The following EPG5 variants were observed in gnomAD, a reference collection of about 807,000 sequenced individuals.
EPG5 encodes ectopic P granules protein 5 homolog.
EPG5 carries 159 observed loss-of-function variants against 302.7 expected under a neutral mutation model. The observed-to-expected ratio is 0.53, with a 90% CI of 0.46 to 0.60. The LOEUF is 0.60. Among genes scored for constraint, EPG5 ranks in the 20% least tolerant of loss-of-function variants. The pLI, the probability that EPG5 is intolerant of heterozygous loss-of-function variation, is 0.00. For missense variants in EPG5, 2,896 were observed against 3,092.4 expected (o/e 0.94, Z 1.51); for synonymous variants, 1,158 against 1,136.8 (o/e 1.02, Z -0.37).
the EPG5 span, among the ~76,000 whole-genome samples, chr18:45,802,259 G>A: frequency 2.0e-5 from 3 of 152,258 alleles, no homozygotes; most frequent in South Asian, 2.1e-4. Flanking sequence ...GGTGGCTCAC[G>A]TCTGTAATCC....
chr18:45,880,671 G>A (rs776277846), intron 31 of EPG5, among the ~76,000 whole-genome samples: 5 of 152,128 alleles, frequency 3.3e-5, no homozygotes, highest in Admixed American at 1.3e-4. Context: ...CCAATTCCCC[G>A]AAACCAAGAC....
chr18:45,847,026 C>T (rs115734006), downstream of EPG5, among the ~76,000 whole-genome samples: 180 of 152,324 alleles, frequency 1.2e-3, no homozygotes, highest in African/African-American at 4.2e-3. Context: ...TCCAACCCTT[C>T]AATCTTGTGG....
intron 28 of EPG5, 49 bp downstream of exon 28, chr18:45,889,749 T>C: frequency 3.2e-6 from 5 of 1,553,180 alleles, no homozygotes; most frequent in South Asian, 1.2e-5. Context: ...ATGATTACTA[T>C]TCATGATAAC....
intron 17 of EPG5, 82 bp from the exon 18 acceptor site, chr18:45,916,664 A>C: frequency 7.1e-7 from 1 of 1,407,812 alleles, no homozygotes; most frequent in East Asian, 2.5e-5. Context: ...GAGGAAACAG[A>C]AAATTCCTAA....
intron 39 of EPG5, among the ~76,000 whole-genome samples, chr18:45,862,323 C>T (rs980054472): frequency 2.0e-5 from 3 of 152,092 alleles, no homozygotes; most frequent in African/African-American, 7.2e-5. Context: ...TGTAATTTTG[C>T]CGTCTTTTTA....
intron 30 of EPG5, among the ~76,000 whole-genome samples, chr18:45,883,604 C>A (rs977738475): frequency 6.9e-6 from 1 of 145,356 alleles, no homozygotes; most frequent in Admixed American, 6.9e-5. Context: ...GGGAGTACCA[C>A]TAGCCTGGTG....
At chr18:45,922,671 T>G in intron 15 of EPG5, 71 bp from the exon 16 acceptor site, 1 of 1,542,028 alleles carries the variant, frequency 6.5e-7, no homozygotes, top group East Asian at 2.2e-5. Flanking sequence ...TACACTCATC[T>G]CCTTTTGTGA....
At chr18:45,899,091 C>T (rs1471211309) in intron 27 of EPG5, among the ~76,000 whole-genome samples, 3 of 152,140 alleles carry the variant, frequency 2.0e-5, no homozygotes, top group East Asian at 1.9e-4. Context: ...CGCCACTGCA[C>T]TCCAGCCTGG....
At chr18:45,889,987 G>T (rs1457345501) in intron 27 of EPG5, 47 bp from the exon 28 acceptor site, 5 of 1,486,130 alleles carry the variant, frequency 3.4e-6, no homozygotes, top group African/African-American at 2.8e-5. Context: ...CCATGTGTCA[G>T]GTTTCCCATG....
At chr18:45,934,012 A>T (rs893564244) in intron 11 of EPG5, among the ~76,000 whole-genome samples, 1 of 152,076 alleles carries the variant, frequency 6.6e-6, no homozygotes, top group Non-Finnish European at 1.5e-5. Flanking sequence ...TATCCTGGCC[A>T]GGCACGGTGG....
chr18:45,870,019 A>T (rs1328827647), intron 36 of EPG5, among the ~76,000 whole-genome samples: 1 of 152,074 alleles, frequency 6.6e-6, no homozygotes, highest in African/African-American at 2.4e-5. Context: ...TGGTTTTGTA[A>T]CCATTGCTTC....
At chr18:45,855,451 G>A in intron 43 of EPG5, 122 bp downstream of exon 43, 3 of 644,188 alleles carry the variant, frequency 4.7e-6, no homozygotes, top group South Asian at 4.7e-5. Flanking sequence ...CACATGAAAG[G>A]GAACACTGTG....
chr18:45,854,940 G>A (rs1021316979), intron 43 of EPG5, among the ~76,000 whole-genome samples: 12 of 152,156 alleles, frequency 7.9e-5, no homozygotes, highest in Non-Finnish European at 1.8e-4. Context: ...AATATTGGTC[G>A]AGTTAAAACT....
chr18:45,888,719 C>T (rs1599499350), intron 28 of EPG5, among the ~76,000 whole-genome samples: 1 of 152,226 alleles, frequency 6.6e-6, no homozygotes, highest in South Asian at 2.1e-4. Flanking sequence ...GGATTACAGG[C>T]GTGAGCCACT....
intron 1 of EPG5, among the ~76,000 whole-genome samples, chr18:45,965,621 C>T (rs1023599687): frequency 1.3e-5 from 2 of 152,184 alleles, no homozygotes; most frequent in Non-Finnish European, 2.9e-5. Flanking sequence ...TGGAACATCA[C>T]CCACTTCTGG....
chr18:45,804,328 A>G, the EPG5 span, among the ~76,000 whole-genome samples: 16 of 152,308 alleles, frequency 1.1e-4, no homozygotes, highest in South Asian at 8.3e-4. Context: ...TTGAACTCCT[A>G]GAAGAACAGA....
chr18:45,873,348 A>G (rs929257143), intron 35 of EPG5, among the ~76,000 whole-genome samples: 1 of 152,066 alleles, frequency 6.6e-6, no homozygotes, highest in Admixed American at 6.5e-5. Flanking sequence ...CGTCTCTACT[A>G]AAAATACAAA....
At chr18:45,896,188 T>C (rs2049468366) in intron 27 of EPG5, among the ~76,000 whole-genome samples, 1 of 152,226 alleles carries the variant, frequency 6.6e-6, no homozygotes, top group Non-Finnish European at 1.5e-5. Flanking sequence ...TCTCCGCCTA[T>C]AAAAGTTGTT....
intron 39 of EPG5, among the ~76,000 whole-genome samples, chr18:45,863,455 T>C (rs1189873527): frequency 6.6e-6 from 1 of 152,242 alleles, no homozygotes; most frequent in Non-Finnish European, 1.5e-5. Context: ...TTTCTTAAAA[T>C]TGTTAATATT....
Sources: gnomAD v4.1 joint callset for allele counts (sites outside exome capture counted in the v4.1 genomes callset) on GRCh38, gnomAD v4.1.1 for gene constraint, MANE v1.5 for transcripts, NCBI Gene and HGNC (gene_info 2026-07-23, HGNC 2026-07-21) for gene names.